Variants in RBMS3 observed in about 807,000 individuals in gnomAD.
RBMS3 encodes the protein RNA-binding motif, single-stranded-interacting protein 3.
A neutral mutation model predicts 66.8 loss-of-function variants in RBMS3; 27 were observed. The observed-to-expected ratio is 0.40, with a 90% CI of 0.30 to 0.56. The LOEUF (loss-of-function observed/expected upper bound fraction) is 0.56. Among genes scored for constraint, RBMS3 ranks in the 20% least tolerant of loss-of-function variants. The pLI is 0.40. For synonymous variants in RBMS3, 188 were observed against 183.0 expected (o/e 1.03, Z -0.22); for missense variants, 513 against 549.5 (o/e 0.93, Z 0.66).
intron 1 of RBMS3, among the ~76,000 whole-genome samples, chr3:29,402,390 A>T (rs1390706283): frequency 6.6e-6 from 1 of 152,002 alleles, no homozygotes; most frequent in Non-Finnish European, 1.5e-5. Flanking sequence ...ATTGTGTCTT[A>T]TTTGTTTTTG....
intron 14 of RBMS3, among the ~76,000 whole-genome samples, chr3:29,993,444 G>A (rs1699012481): frequency 6.6e-6 from 1 of 152,140 alleles, no homozygotes. Context: ...CCATTTGACT[G>A]AGCCACAGGG....
At chr3:29,361,883 T>C (rs2037613477) in intron 1 of RBMS3, among the ~76,000 whole-genome samples, 1 of 152,238 alleles carries the variant, frequency 6.6e-6, no homozygotes, top group African/African-American at 2.4e-5. Flanking sequence ...TCTCGTGCCA[T>C]GGTTTTCAGC....
intron 2 of RBMS3, among the ~76,000 whole-genome samples, chr3:29,436,920 A>G (rs952778226): frequency 2.6e-5 from 4 of 152,368 alleles, no homozygotes; most frequent in Admixed American, 6.5e-5. Context: ...AGTTTCACTA[A>G]TTGATGAGGG....
At chr3:29,684,779 TACACACACACACACAC>T (rs10570309) in intron 4 of RBMS3, among the ~76,000 whole-genome samples, 10 of 145,660 alleles carry the variant, frequency 6.9e-5, no homozygotes, top group South Asian at 2.2e-4. Flanking sequence ...GTTTGTTATG[TACACACACACACACAC>T]ACACACACAC....
chr3:29,454,221 C>T (rs1465990869), intron 2 of RBMS3, among the ~76,000 whole-genome samples: 1 of 152,156 alleles, frequency 6.6e-6, no homozygotes, highest in African/African-American at 2.4e-5. Flanking sequence ...TGTAAGTTTG[C>T]TGCAGCTGCT....
intron 4 of RBMS3, among the ~76,000 whole-genome samples, chr3:29,701,898 C>T (rs187603265): frequency 0.013 from 1,985 of 152,244 alleles, 35 homozygotes; most frequent in African/African-American, 0.041. Flanking sequence ...CCGGTCCCAT[C>T]GACCGCCCAA....
chr3:29,965,667 G>A (rs777562225), intron 12 of RBMS3, among the ~76,000 whole-genome samples: 12 of 151,850 alleles, frequency 7.9e-5, no homozygotes, highest in Admixed American at 2.6e-4. Context: ...ATTTTCTCCC[G>A]TTCTGTGGGT....
intron 1 of RBMS3, among the ~76,000 whole-genome samples, chr3:29,426,325 A>G (rs1194204054): frequency 6.6e-6 from 1 of 152,228 alleles, no homozygotes; most frequent in African/African-American, 2.4e-5. Context: ...TTGCTAGCTT[A>G]TAAATTTATT....
At chr3:29,457,107 C>G (rs890985352) in intron 2 of RBMS3, among the ~76,000 whole-genome samples, 2 of 152,196 alleles carry the variant, frequency 1.3e-5, no homozygotes, top group East Asian at 3.9e-4. Flanking sequence ...TGAGTTGACA[C>G]AGTCAGGTTT....
chr3:29,556,886 A>G (rs1008485613), intron 3 of RBMS3, among the ~76,000 whole-genome samples: 6 of 152,112 alleles, frequency 3.9e-5, no homozygotes, highest in African/African-American at 1.4e-4. Flanking sequence ...CTATTGCCTG[A>G]ATATGAAAGC....
intron 6 of RBMS3, among the ~76,000 whole-genome samples, chr3:29,851,760 C>T (rs941190361): frequency 2.6e-5 from 4 of 152,168 alleles, no homozygotes; most frequent in African/African-American, 9.7e-5. Context: ...GGGATTCTCC[C>T]TCCTGACCAC....
intron 8 of RBMS3, among the ~76,000 whole-genome samples, chr3:29,887,709 T>A (rs1032340007): frequency 2.6e-5 from 4 of 151,680 alleles, no homozygotes; most frequent in African/African-American, 9.7e-5. Flanking sequence ...ACTCACTAAG[T>A]CTCACTAAAA....
chr3:29,572,037 T>C (rs1440370029), intron 3 of RBMS3, among the ~76,000 whole-genome samples: 1 of 151,918 alleles, frequency 6.6e-6, no homozygotes, highest in Non-Finnish European at 1.5e-5. Flanking sequence ...TTTTTGACTA[T>C]AGTAGGTGGA....
intron 4 of RBMS3, among the ~76,000 whole-genome samples, chr3:29,591,257 T>C (rs1159066456): frequency 3.9e-5 from 6 of 152,192 alleles, no homozygotes; most frequent in African/African-American, 1.4e-4. Flanking sequence ...CTCAAAGCTG[T>C]GATTGCATCT....
chr3:29,796,712 C>CTTTTTTTTTTTTTTTTTTTTTTTTTTTTT (rs71295051), intron 6 of RBMS3, among the ~76,000 whole-genome samples: 1 of 115,276 alleles, frequency 8.7e-6, no homozygotes, highest in African/African-American at 3.7e-5. Flanking sequence ...TGAAAGGAAT[C>CTTTTTTTTTTTTTTTTTTTTTTTTTTTTT]TTTTTTTTTT....
intron 1 of RBMS3, among the ~76,000 whole-genome samples, chr3:29,384,411 A>C (rs1192360271): frequency 9.3e-6 from 1 of 107,926 alleles, no homozygotes; most frequent in African/African-American, 3.8e-5. Flanking sequence ...AAGTAAACAT[A>C]TACACCAATA....
chr3:29,364,211 C>G (rs535239504), intron 1 of RBMS3, among the ~76,000 whole-genome samples: 1 of 152,066 alleles, frequency 6.6e-6, no homozygotes, highest in East Asian at 1.9e-4. Flanking sequence ...TTCTGCAAAA[C>G]AATGCATATA....
At chr3:29,658,020 T>TTTAA (rs2050386414) in intron 4 of RBMS3, among the ~76,000 whole-genome samples, 1 of 152,192 alleles carries the variant, frequency 6.6e-6, no homozygotes, top group African/African-American at 2.4e-5. Context: ...GAGTGTAGTG[T>TTTAA]TTAAGAGTTC....
chr3:29,592,541 C>G (rs1309316296), intron 4 of RBMS3, among the ~76,000 whole-genome samples: 3 of 152,140 alleles, frequency 2.0e-5, no homozygotes, highest in African/African-American at 7.2e-5. Context: ...GAAATAGGAA[C>G]TCTTTTACAC....
Sources: allele counts gnomAD v4.1 joint callset (sites outside exome capture counted in the v4.1 genomes callset), GRCh38; gene constraint gnomAD v4.1.1; transcripts MANE v1.5; gene names NCBI Gene and HGNC (gene_info 2026-07-23, HGNC 2026-07-21).